PRKD1: variants seen among roughly 807,000 people sequenced by gnomAD.
PRKD1 encodes protein kinase D1.
A neutral mutation model predicts 95.9 loss-of-function variants in PRKD1; 63 were observed. The observed-to-expected ratio is 0.66, with a 90% CI of 0.54 to 0.81. The LOEUF (loss-of-function observed/expected upper bound fraction) is 0.81. Ranked by LOEUF, PRKD1 falls within the 30% of genes least tolerant of loss-of-function variation. PRKD1 has a pLI of 0.00. For synonymous variants in PRKD1, 425 were observed against 423.1 expected (o/e 1.00, Z -0.05); for missense variants, 1,048 against 1,165.3 (o/e 0.90, Z 1.47).
At chr14:29,736,372 G>A (rs2139422852) in intron 1 of PRKD1, among the ~76,000 whole-genome samples, 1 of 152,322 alleles carries the variant, frequency 6.6e-6, no homozygotes, top group South Asian at 2.1e-4. Context: ...AAGGCGAAAA[G>A]TGTACTGAAA....
At chr14:29,866,309 C>G (rs1892905675) in intron 1 of PRKD1, among the ~76,000 whole-genome samples, 1 of 152,142 alleles carries the variant, frequency 6.6e-6, no homozygotes, top group African/African-American at 2.4e-5. Flanking sequence ...ACAAAGCAGT[C>G]AAATGGTTAA....
rs538573559 is a variant in PRKD1 at position 29,880,003 on chromosome 14, G to T, written c.264+47246C>A. ...TTTAAAAGGGAAGCAGAGCATAAAG[G>T]TTCACAAAATTTTCAGCCTGATGAT... On this transcript the variant is annotated intron_variant, in intron 1 of 17. Transcript: ENST00000331968. Among the ~76,000 whole-genome samples, 11 of 152,262 alleles carry T rather than the reference G, an allele frequency of 7.2e-5. No homozygotes were observed. In the East Asian group the frequency reaches 2.1e-3, roughly 29 times the overall value.
At chr14:29,820,701 C>T (rs1220573969) in intron 1 of PRKD1, among the ~76,000 whole-genome samples, 2 of 152,214 alleles carry the variant, frequency 1.3e-5, no homozygotes, top group Middle Eastern at 3.4e-3. Context: ...TGCTGAATGG[C>T]CTTGTATAAC....
intron 16 of PRKD1, chr14:29,592,769 A>T: frequency 6.6e-6 from 1 of 152,210 alleles, no homozygotes; most frequent in East Asian, 1.9e-4. Context: ...GAGAACAAGT[A>T]ACGTGGATGA....
chr14:29,872,545 G>A (rs921439361), intron 1 of PRKD1, among the ~76,000 whole-genome samples: 3 of 151,852 alleles, frequency 2.0e-5, no homozygotes, highest in East Asian at 2.0e-4. Flanking sequence ...CCAGCTACTC[G>A]GGAGGCTGAG....
In PRKD1 at chr14:29,756,273, CA is replaced by C. The variant is rs1887692716; in HGVS notation, c.265-30600del. On this transcript the variant is annotated intron_variant, in intron 1 of 17. Coordinates refer to ENST00000331968, the MANE Select transcript of PRKD1 (RefSeq NM_002742.3). ...TACCAAGCTATGTTTAAAAACTTTA[CA>C]TTTAGAAACAATGACACATGCTGCC... is the stretch of plus-strand genomic sequence containing the variant. 1.3e-5 allele frequency among the ~76,000 whole-genome samples: 2 copies of C among 152,104 alleles called. 1 individual carries two copies. The highest frequency in any genetic ancestry group is 1.3e-4 in the Admixed American group (2 of 15,266).
chr14:29,656,339 T>A, intron 4 of PRKD1: 1 of 921,768 alleles, frequency 1.1e-6, no homozygotes, highest in South Asian at 1.6e-5. Flanking sequence ...TGGGTCAATG[T>A]GTTGAATTTT....
At chr14:29,878,734 A>G (rs1893395013) in intron 1 of PRKD1, among the ~76,000 whole-genome samples, 1 of 152,180 alleles carries the variant, frequency 6.6e-6, no homozygotes, top group Non-Finnish European at 1.5e-5. Context: ...AGAAGGTTAG[A>G]GGTTGCCAGG....
chr14:29,714,325 G>T (rs1885488657), intron 2 of PRKD1, among the ~76,000 whole-genome samples: 1 of 152,154 alleles, frequency 6.6e-6, no homozygotes. Context: ...CTTCTCAAAA[G>T]AAGACATTTA....
chr14:29,807,630 C>T (rs1438686587), intron 1 of PRKD1, among the ~76,000 whole-genome samples: 1 of 151,874 alleles, frequency 6.6e-6, no homozygotes, highest in Admixed American at 6.6e-5. Flanking sequence ...ACTTCTTGAG[C>T]TCAAGTGATC....
At chr14:29,921,497 G>A (rs1895106598) in intron 1 of PRKD1, among the ~76,000 whole-genome samples, 1 of 152,114 alleles carries the variant, frequency 6.6e-6, no homozygotes, top group Admixed American at 6.5e-5. Flanking sequence ...TATTTACAAA[G>A]CAGTATGTAT....
intron 8 of PRKD1, 73 bp from the exon 9 acceptor site, chr14:29,633,019 T>C (rs1017144932): frequency 1.5e-6 from 2 of 1,362,222 alleles, no homozygotes; most frequent in Non-Finnish European, 2.1e-6. Flanking sequence ...CATAAATAGA[T>C]TTCCCCAATA....
At chr14:29,747,825 C>G (rs1359715753) in intron 1 of PRKD1, among the ~76,000 whole-genome samples, 1 of 152,090 alleles carries the variant, frequency 6.6e-6, no homozygotes, top group African/African-American at 2.4e-5. Context: ...CTTACTGCAA[C>G]CTCTGTCTCC....
intron 1 of PRKD1, among the ~76,000 whole-genome samples, chr14:29,753,358 C>A (rs905184522): frequency 3.3e-5 from 5 of 152,034 alleles, no homozygotes; most frequent in African/African-American, 7.2e-5. Context: ...ATTTTTGGTG[C>A]CCCAGTCCTT....
intron 1 of PRKD1, among the ~76,000 whole-genome samples, chr14:29,883,219 G>A (rs1443267442): frequency 6.6e-6 from 1 of 152,074 alleles, no homozygotes; most frequent in East Asian, 1.9e-4. Flanking sequence ...CAAACCATGA[G>A]GCTCCACCCC....
At chr14:29,873,544 T>C (rs1893184657) in intron 1 of PRKD1, among the ~76,000 whole-genome samples, 1 of 152,160 alleles carries the variant, frequency 6.6e-6, no homozygotes, top group Admixed American at 6.5e-5. Flanking sequence ...CTATACAAAA[T>C]GCTTTGTACA....
intron 1 of PRKD1, among the ~76,000 whole-genome samples, chr14:29,870,248 G>A (rs1893054975): frequency 6.6e-6 from 1 of 152,160 alleles, no homozygotes; most frequent in Non-Finnish European, 1.5e-5. Flanking sequence ...TTCAGGAGCT[G>A]CACACAGTTG....
At chr14:29,827,596 C>T (rs1444292243) in intron 1 of PRKD1, among the ~76,000 whole-genome samples, 3 of 152,096 alleles carry the variant, frequency 2.0e-5, no homozygotes, top group Non-Finnish European at 4.4e-5. Context: ...AAGGCTCTTC[C>T]CCAGGCTTAC....
At chr14:29,766,662 TG>T (rs1467835101) in intron 1 of PRKD1, among the ~76,000 whole-genome samples, 2 of 152,198 alleles carry the variant, frequency 1.3e-5, no homozygotes, top group Admixed American at 1.3e-4. Context: ...CTTTTTAAAA[TG>T]TATTTGGAAA....
Sources: gnomAD v4.1 joint callset for allele counts (sites outside exome capture counted in the v4.1 genomes callset) on GRCh38, gnomAD v4.1.1 for gene constraint, MANE v1.5 for transcripts, NCBI Gene and HGNC (gene_info 2026-07-23, HGNC 2026-07-21) for gene names.